The following DDX21 variants were observed in gnomAD, a reference collection of about 807,000 sequenced individuals.
DDX21 encodes the protein nucleolar RNA helicase 2.
Under a neutral mutation model 90.0 loss-of-function variants are expected in DDX21, and 18 were observed. The observed-to-expected ratio is 0.20, with a 90% CI of 0.14 to 0.30. The LOEUF (loss-of-function observed/expected upper bound fraction) is 0.30. DDX21 is among the 10% of genes least tolerant of loss of function. DDX21 has a pLI of 1.00. For missense variants in DDX21, 673 were observed against 944.5 expected (o/e 0.71, Z 3.77); for synonymous variants, 294 against 318.0 (o/e 0.92, Z 0.80).
Position 68,956,184 on chromosome 10 carries a change from G to GGAAGAC in DDX21, c.-42_-41insGAAGAC. The GGAAGAC allele has an allele frequency of 6.2e-7, 1 of 1,601,598 alleles. No homozygotes were observed. The highest frequency in any genetic ancestry group is 8.5e-7 in the Non-Finnish European group (1 of 1,170,432). ...TGGGGAACTACCTCTTCCTCTCCAC[G>GGAAGAC]CGGTTGAGAAGACCGGTCGGCCTGG... On this transcript the variant is annotated 5_prime_UTR_variant, in exon 1 of 15. Transcript: ENST00000354185.
intron 3 of DDX21, among the ~76,000 whole-genome samples, chr10:68,962,448 G>C (rs1048700418): frequency 6.6e-6 from 1 of 152,112 alleles, no homozygotes; most frequent in Non-Finnish European, 1.5e-5. Context: ...AACCTGTCCC[G>C]ACAAAAAGTT....
chr10:68,968,201 A>T (rs1256792849), intron 6 of DDX21, among the ~76,000 whole-genome samples: 1 of 150,720 alleles, frequency 6.6e-6, no homozygotes, highest in African/African-American at 2.5e-5. Flanking sequence ...ATAGGCCCTC[A>T]CCCTGTCACT....
In DDX21 at chr10:68,982,997, C is replaced by CTT; in HGVS notation, c.*187_*188dup. On this transcript the variant is annotated 3_prime_UTR_variant, in exon 15 of 15. Transcript: ENST00000354185. The stretch of plus-strand genomic sequence containing the variant: ...TTCATCTGATCATTATCATTTATAA[C>CTT]TTTATTGTTACTTCTTCATCAGTTT... 1.4e-6 allele frequency: 1 copy of CTT among 738,722 alleles called. No individual in the cohort carries two copies. The highest frequency in any genetic ancestry group is 2.1e-5 in the South Asian group (1 of 47,286). 45.8% of individuals were successfully genotyped at this position (738,722 alleles called of 1,614,324 possible).
chr10:68,972,748 C>T (rs1289993774), intron 9 of DDX21, among the ~76,000 whole-genome samples: 2 of 152,138 alleles, frequency 1.3e-5, no homozygotes, highest in East Asian at 3.8e-4. Flanking sequence ...TGTAGGTGGT[C>T]TGAATTGATC....
At chr10:68,975,004 AC>A (rs1404941096) in intron 11 of DDX21, among the ~76,000 whole-genome samples, 1 of 151,784 alleles carries the variant, frequency 6.6e-6, no homozygotes, top group African/African-American at 2.4e-5. Flanking sequence ...TCAAAAAAAA[AC>A]CAGACCGTGC....
intron 11 of DDX21, among the ~76,000 whole-genome samples, chr10:68,975,594 A>G (rs1843086888): frequency 6.6e-6 from 1 of 152,194 alleles, no homozygotes; most frequent in Non-Finnish European, 1.5e-5. Flanking sequence ...GATCAAAGGA[A>G]ATCCTGGATG....
rs900996936 is a variant in DDX21 at position 68,966,873 on chromosome 10, C to A, written c.905-145C>A. The A allele has an allele frequency of 7.3e-6, 4 of 550,872 alleles. No individual in the cohort carries two copies. The African/African-American group carries it at 7.8e-5, about 11-fold the overall frequency. 34.1% of individuals were successfully genotyped at this position (550,872 alleles called of 1,614,324 possible). A position where few individuals can be genotyped will look rare whatever the true frequency, so the allele number is the denominator to read the frequency against. On this transcript the variant is annotated intron_variant, in intron 5 of 14. Coordinates refer to ENST00000354185, the MANE Select transcript of DDX21 (RefSeq NM_004728.4). ...ACTAGATTAGGAGTGCCATGAGTATCTTTATCATTATTACTTAGCATATTA... is the reference window on the plus strand; with the variant it reads ...ACTAGATTAGGAGTGCCATGAGTATATTTATCATTATTACTTAGCATATTA...
In DDX21 at chr10:68,956,199, G is replaced by C. The variant is rs756218251; in HGVS notation, c.-27G>C. 12 of 1,611,972 alleles carry C rather than the reference G, an allele frequency of 7.4e-6. No individual in the cohort carries two copies. The highest frequency in any genetic ancestry group is 5.9e-6 in the Non-Finnish European group (7 of 1,178,812). Reference sequence around the variant, plus strand: ...TCCTCTCCACGCGGTTGAGAAGACCGGTCGGCCTGGGCAACCTGCGCTGAA... The same window carrying C: ...TCCTCTCCACGCGGTTGAGAAGACCCGTCGGCCTGGGCAACCTGCGCTGAA... On this transcript the variant is annotated 5_prime_UTR_variant, in exon 1 of 15. Transcript: ENST00000354185.
At chr10:68,980,260 T>C (rs1843166803) in intron 13 of DDX21, among the ~76,000 whole-genome samples, 1 of 152,020 alleles carries the variant, frequency 6.6e-6, no homozygotes, top group African/African-American at 2.4e-5. Context: ...ATTTTATATA[T>C]ATATAAATCT....
chr10:68,982,722 G>A lies in DDX21; in HGVS notation c.2262G>A (p.Pro754=), dbSNP rs755118518. Residue 754 remains proline (P), a synonymous_variant, in exon 15 of 15, where the codon CCG becomes CCA. Coordinates refer to ENST00000354185, the MANE Select transcript of DDX21 (RefSeq NM_004728.4). The part of the protein sequence containing the change: ...FRGQREGSRG[P]RGQRSGGGNK... ...GACAGCGGGAAGGCAGTAGAGGCCC[G>A]AGAGGACAGCGATCAGGAGGTGGCA... 1.9e-6 allele frequency: 3 copies of A among 1,614,128 alleles called. No individual in the cohort carries two copies. The highest frequency in any genetic ancestry group is 1.1e-5 in the South Asian group (1 of 91,086).
intron 2 of DDX21, 130 bp from the exon 3 acceptor site, chr10:68,961,952 G>T: frequency 3.3e-6 from 2 of 611,432 alleles, no homozygotes; most frequent in Non-Finnish European, 5.6e-6. Context: ...GTATCTTTTT[G>T]GTTGATTTTT....
intron 8 of DDX21, among the ~76,000 whole-genome samples, chr10:68,971,351 C>T (rs1843025970): frequency 6.6e-6 from 1 of 152,062 alleles, no homozygotes; most frequent in African/African-American, 2.4e-5. Context: ...TTAAGCCCAG[C>T]ATTTATTAGC....
intron 1 of DDX21, among the ~76,000 whole-genome samples, chr10:68,957,099 T>G (rs943276766): frequency 6.6e-6 from 1 of 152,006 alleles, no homozygotes; most frequent in Admixed American, 6.5e-5. Flanking sequence ...GGTCTTAACT[T>G]CATCTGCGCA....
chr10:68,982,520 A>G (rs755235996), intron 14 of DDX21, 23 bp from the exon 15 acceptor site: 2 of 1,582,364 alleles, frequency 1.3e-6, no homozygotes, highest in Non-Finnish European at 1.7e-6. Context: ...AAAGCACACA[A>G]AAACAAAACA....
intron 11 of DDX21, among the ~76,000 whole-genome samples, chr10:68,975,179 A>G (rs1441559762): frequency 6.6e-6 from 1 of 152,208 alleles, no homozygotes; most frequent in Admixed American, 6.5e-5. Context: ...GGCTGATTAG[A>G]CCACAGATTA....
At chr10:68,982,498 T>G (rs1277073891) in intron 14 of DDX21, 45 bp from the exon 15 acceptor site, 1 of 1,558,088 alleles carries the variant, frequency 6.4e-7, no homozygotes. Context: ...TTTTAAAAAT[T>G]GAATACTAAT....
Position 68,960,160 on chromosome 10 carries a change from C to T in DDX21, c.442C>T (p.Pro148Ser). The T allele has an allele frequency of 6.2e-7, 1 of 1,614,052 alleles. No individual in the cohort carries two copies. Among genetic ancestry groups the T allele is most frequent in the Non-Finnish European group, 8.5e-7 (1 of 1,179,994 alleles). The stretch of plus-strand genomic sequence containing the variant: ...GAATGGAGAAACTAGAGAGAAAAGC[C>T]CCAAACTGAAGAATGGATTTCCTCA... ...EMNGETREKS[P>S]KLKNGFPHPE... Residue 148 changes from proline to serine, a missense_variant, in exon 2 of 15, where the codon CCC becomes TCC. Coordinates refer to ENST00000354185, the MANE Select transcript of DDX21 (RefSeq NM_004728.4).
chr10:68,959,835 T>C lies in DDX21; in HGVS notation c.117T>C (p.Asp39=). The stretch of plus-strand genomic sequence containing the variant: ...AGAAAAAAGAGAAGCCAAAATCTGA[T>C]AAGACTGAAGAGATAGCAGAAGAGG... ...EKEKKEKPKS[D]KTEEIAEEEE... is the part of the protein sequence containing the mutation. Residue 39 remains aspartate (D), a synonymous_variant, in exon 2 of 15, where the codon GAT becomes GAC. Coordinates refer to ENST00000354185, the MANE Select transcript of DDX21 (RefSeq NM_004728.4). 1 of 1,552,880 alleles carries C rather than the reference T, an allele frequency of 6.4e-7. No homozygotes were observed. The highest frequency in any genetic ancestry group is 8.6e-7 in the Non-Finnish European group (1 of 1,161,644).
At chr10:68,966,906 C>T (rs899930556) in intron 5 of DDX21, 112 bp from the exon 6 acceptor site, 13 of 778,936 alleles carry the variant, frequency 1.7e-5, no homozygotes, top group Non-Finnish European at 2.3e-5. Context: ...TTACTTTGTA[C>T]TTGTAGGTAT....
Sources: gnomAD v4.1 joint callset for allele counts (sites outside exome capture counted in the v4.1 genomes callset) on GRCh38, gnomAD v4.1.1 for gene constraint, MANE v1.5 for transcripts, NCBI Gene and HGNC (gene_info 2026-07-23, HGNC 2026-07-21) for gene names.